Variants in UGT1A3 observed in about 807,000 individuals in gnomAD.
The protein encoded by UGT1A3 is UDP glucuronosyltransferase family 1 member A3.
Under a neutral mutation model 41.0 loss-of-function variants are expected in UGT1A3, and 31 were observed. The ratio of observed to expected loss-of-function variants is 0.76; its 90% CI spans 0.57 to 1.02. UGT1A3 has a LOEUF of 1.02. Ranked by LOEUF, UGT1A3 falls within the 50% of genes least tolerant of loss-of-function variation. The pLI is 0.00. For synonymous variants in UGT1A3, 262 were observed against 257.6 expected (o/e 1.02, Z -0.17); for missense variants, 737 against 671.0 (o/e 1.10, Z -1.09).
In UGT1A3 at chr2:233,768,427, T is replaced by A; in HGVS notation, c.1295T>A (p.Ile432Asn). ...TTAGAAAATGCTCTAAAAGCAGTCA[T>A]CAATGACAAAAGGTAAGAAAGAAGA... is the stretch of plus-strand genomic sequence containing the variant. ...EDLENALKAV[I>N]NDKSYKENIM... Residue 432 changes from isoleucine (I) to asparagine (N), a missense_variant, in exon 4 of 5, where the codon ATC becomes AAC. Transcript: ENST00000482026. 1 of 1,614,006 alleles carries A rather than the reference T, an allele frequency of 6.2e-7. No individual in the cohort carries two copies. The highest frequency in any genetic ancestry group is 8.5e-7 in the Non-Finnish European group (1 of 1,179,966).
intron 4 of UGT1A3, chr2:233,770,334 G>T (rs1260169235): frequency 6.6e-6 from 1 of 152,106 alleles, no homozygotes; most frequent in East Asian, 1.9e-4. Flanking sequence ...GGCCATAATA[G>T]GTGCTCAATT....
intron 1 of UGT1A3, among the ~76,000 whole-genome samples, chr2:233,733,630 C>T (rs2078422347): frequency 6.6e-6 from 1 of 152,174 alleles, no homozygotes; most frequent in Non-Finnish European, 1.5e-5. Context: ...ATATGTTGAA[C>T]CAGCCTTGCA....
intron 1 of UGT1A3, among the ~76,000 whole-genome samples, chr2:233,737,806 C>A (rs575024235): frequency 6.6e-6 from 1 of 152,216 alleles, no homozygotes; most frequent in Non-Finnish European, 1.5e-5. Flanking sequence ...TCACTATCAT[C>A]TCAGTGGAGC....
chr2:233,756,002 A>C (rs541180678), intron 1 of UGT1A3: 11 of 152,292 alleles, frequency 7.2e-5, no homozygotes, highest in South Asian at 6.2e-4. Context: ...TCTGCATTCT[A>C]TCTATTGTGA....
At position 233,767,103 on chromosome 2, in the gene UGT1A3, T is replaced by G; in HGVS notation, c.937T>G (p.Ser313Ala). Reference sequence around the variant, plus strand: ...GGTTTTCTCTTTGGGATCAATGGTCTCAGAAATTCCAGAGAAGAAAGCTAT... The same window carrying G: ...GGTTTTCTCTTTGGGATCAATGGTCGCAGAAATTCCAGAGAAGAAAGCTAT... Reference protein sequence around the residue: ...IVVFSLGSMVSEIPEKKAMAI... With the variant: ...IVVFSLGSMVAEIPEKKAMAI... Residue 313 changes from serine to alanine, a missense_variant, in exon 2 of 5, where the codon TCA becomes GCA. Ser to Ala is a moderately conservative substitution (Grantham distance 99). Coordinates refer to ENST00000482026, the MANE Select transcript of UGT1A3 (RefSeq NM_019093.4). 6.2e-7 allele frequency: 1 copy of G among 1,614,148 alleles called. No individual in the cohort carries two copies. Among genetic ancestry groups the G allele is most frequent in the South Asian group, 1.1e-5 (1 of 91,074 alleles).
At chr2:233,761,660 C>T (rs998044886) in intron 1 of UGT1A3, among the ~76,000 whole-genome samples, 2 of 152,246 alleles carry the variant, frequency 1.3e-5, no homozygotes, top group African/African-American at 4.8e-5. Flanking sequence ...ATGAGTGAAT[C>T]ACCAGACAGT....
intron 1 of UGT1A3, among the ~76,000 whole-genome samples, chr2:233,731,766 G>A (rs2078201810): frequency 2.0e-5 from 3 of 152,172 alleles, no homozygotes; most frequent in African/African-American, 7.2e-5. Flanking sequence ...TGTCCTTAGA[G>A]TAGTATCATT....
chr2:233,743,918 C>T, intron 1 of UGT1A3: 1 of 1,363,786 alleles, frequency 7.3e-7, no homozygotes, highest in East Asian at 4.6e-5. Context: ...GTCCACCATG[C>T]TGGATGGCCA....
chr2:233,772,573 A>C lies in UGT1A3; in HGVS notation c.*14A>C. 1.9e-6 allele frequency: 3 copies of C among 1,610,688 alleles called. No homozygotes were observed. Among genetic ancestry groups the C allele is most frequent in the Non-Finnish European group, 2.5e-6 (3 of 1,178,166 alleles). On this transcript the variant is annotated 3_prime_UTR_variant, in exon 5 of 5. Coordinates refer to ENST00000482026, the MANE Select transcript of UGT1A3 (RefSeq NM_019093.4). ...AAGACCCATTGAGAAGTGGGTGGGA[A>C]ATAAGGTAAAATTTTGAACCATTCC...
chr2:233,748,886 T>C (rs559177980), intron 1 of UGT1A3, among the ~76,000 whole-genome samples: 20 of 151,542 alleles, frequency 1.3e-4, no homozygotes, highest in Non-Finnish European at 2.8e-4. Flanking sequence ...TGAATGGACA[T>C]GTGTCCAAGA....
intron 1 of UGT1A3, chr2:233,754,785 C>A (rs751766973): frequency 1.7e-6 from 2 of 1,177,776 alleles, no homozygotes; most frequent in Non-Finnish European, 2.3e-6. Context: ...GCCAAAGGAA[C>A]GAAATCCTGT....
intron 1 of UGT1A3, chr2:233,748,009 C>A: frequency 1.2e-6 from 2 of 1,613,492 alleles, no homozygotes; most frequent in Non-Finnish European, 1.7e-6. Flanking sequence ...ATGGATTACC[C>A]CAGGCCGATC....
At chr2:233,762,715 C>T (rs1406790908) in intron 1 of UGT1A3, among the ~76,000 whole-genome samples, 19 of 149,510 alleles carry the variant, frequency 1.3e-4, no homozygotes, top group Middle Eastern at 3.4e-3. Flanking sequence ...GTATTTTACA[C>T]GGTTTTTTTT....
Position 233,729,628 on chromosome 2 carries a change from C to T in UGT1A3, c.502C>T (p.Pro168Ser), listed in dbSNP as rs1214575776. Residue 168 changes from proline (P) to serine (S), a missense_variant, in exon 1 of 5, where the codon CCT becomes TCT. By Grantham distance (74) the Pro-to-Ser change is moderately conservative. Coordinates refer to ENST00000482026, the MANE Select transcript of UGT1A3 (RefSeq NM_019093.4). ...AGTGCTGGCTAAGTACCTGTCGATT[C>T]CTACTGTGTTTTTTTTGAGGAACAT... Reference protein sequence around the residue: ...AAVLAKYLSIPTVFFLRNIPC... With the variant: ...AAVLAKYLSISTVFFLRNIPC... 1.9e-6 allele frequency: 3 copies of T among 1,613,774 alleles called. No individual in the cohort carries two copies. The highest frequency in any genetic ancestry group is 4.5e-5 in the East Asian group (2 of 44,890).
intron 1 of UGT1A3, among the ~76,000 whole-genome samples, chr2:233,734,400 T>G (rs76797219): frequency 6.6e-6 from 1 of 152,204 alleles, no homozygotes; most frequent in South Asian, 2.1e-4. Context: ...TTGCGTCTAT[T>G]TGATTCTTCT....
chr2:233,756,601 A>G (rs1696268124), intron 1 of UGT1A3, among the ~76,000 whole-genome samples: 1 of 152,212 alleles, frequency 6.6e-6, no homozygotes, highest in Admixed American at 6.5e-5. Context: ...TACTGTATCG[A>G]AACCATTAAG....
At position 233,769,958 on chromosome 2, in the gene UGT1A3, G is replaced by T. The variant is rs1575848035; in HGVS notation, c.1307+1519G>T. 1 of 216,598 alleles carries T rather than the reference G, an allele frequency of 4.6e-6. No individual in the cohort carries two copies. The highest frequency in any genetic ancestry group is 1.1e-4 in the South Asian group (1 of 9,406). The allele number at this position is 216,598 out of a possible 1,614,324, so 13.4% of individuals were successfully genotyped here. On this transcript the variant is annotated intron_variant, in intron 4 of 4. Coordinates refer to ENST00000482026, the MANE Select transcript of UGT1A3 (RefSeq NM_019093.4). The surrounding 1 kb of genome is among the most constrained non-coding windows in gnomAD (Gnocchi z 4.4). Reference sequence around the variant, plus strand: ...TTCCTTCCTTCCAGCGGCTTCTTCTGGCCACCTCAATGTCAGGATGTCCTG... The same window carrying T: ...TTCCTTCCTTCCAGCGGCTTCTTCTTGCCACCTCAATGTCAGGATGTCCTG...
At chr2:233,747,332 A>T in intron 1 of UGT1A3, 1 of 1,603,532 alleles carries the variant, frequency 6.2e-7, no homozygotes, top group Non-Finnish European at 8.5e-7. Flanking sequence ...GATGGCAGCC[A>T]CTGGCTCGCA....
At chr2:233,734,353 G>A (rs1251475810) in intron 1 of UGT1A3, among the ~76,000 whole-genome samples, 8 of 152,136 alleles carry the variant, frequency 5.3e-5, no homozygotes, top group Non-Finnish European at 1.2e-4. Flanking sequence ...TTGTATTTCT[G>A]TGGGATCGGT....
Sources: gnomAD v4.1 joint callset for allele counts (sites outside exome capture counted in the v4.1 genomes callset) on GRCh38, gnomAD v4.1.1 for gene constraint, Gnocchi (gnomAD v3.1) non-coding constraint, MANE v1.5 for transcripts, NCBI Gene and HGNC (gene_info 2026-07-23, HGNC 2026-07-21) for gene names.